RGL1: variants seen among roughly 807,000 people sequenced by gnomAD.
RGL1 encodes ral guanine nucleotide dissociation stimulator-like 1.
In RGL1, 24 loss-of-function variants were observed where a neutral mutation model predicts 95.2. That is an observed-to-expected ratio of 0.25 (90% CI 0.18 to 0.35). RGL1 has a LOEUF of 0.35. Ranked by LOEUF, RGL1 falls within the 10% of genes least tolerant of loss-of-function variation. The pLI is 1.00. For synonymous variants in RGL1, 329 were observed against 344.9 expected (o/e 0.95, Z 0.51); for missense variants, 715 against 936.3 (o/e 0.76, Z 3.08).
chr1:183,779,701 T>A (rs116468076), intron 2 of RGL1, among the ~76,000 whole-genome samples: 1 of 152,146 alleles, frequency 6.6e-6, no homozygotes, highest in Non-Finnish European at 1.5e-5. Context: ...AGCCCCAAAG[T>A]TTGCTCTAGG....
At chr1:183,769,216 A>G (rs1218798928) in intron 2 of RGL1, among the ~76,000 whole-genome samples, 1 of 152,252 alleles carries the variant, frequency 6.6e-6, no homozygotes, top group Non-Finnish European at 1.5e-5. Context: ...ATTTTCACCA[A>G]TACTCAGAAG....
At chr1:183,901,403 C>T (rs1484949454) in intron 11 of RGL1, among the ~76,000 whole-genome samples, 1 of 152,156 alleles carries the variant, frequency 6.6e-6, no homozygotes, top group East Asian at 1.9e-4. Flanking sequence ...AGGAGAATCA[C>T]TTGAGCTCGG....
intron 2 of RGL1, among the ~76,000 whole-genome samples, chr1:183,770,847 G>A (rs535524083): frequency 1.3e-5 from 2 of 152,272 alleles, no homozygotes; most frequent in East Asian, 3.9e-4. Context: ...AAGCCTGGAA[G>A]CTTCAATTCT....
At chr1:183,915,479 C>T (rs2102740819) in intron 15 of RGL1, among the ~76,000 whole-genome samples, 1 of 152,300 alleles carries the variant, frequency 6.6e-6, no homozygotes, top group Admixed American at 6.5e-5. Context: ...AGCATATTAA[C>T]TGTAGTACTC....
chr1:183,647,755 C>T, intron 1 of RGL1: 1 of 1,614,176 alleles, frequency 6.2e-7, no homozygotes, highest in South Asian at 1.1e-5. Context: ...TCCACTATCT[C>T]CACTGACCTT....
chr1:183,846,403 G>A (rs1418979564), intron 2 of RGL1, among the ~76,000 whole-genome samples: 1 of 151,976 alleles, frequency 6.6e-6, no homozygotes, highest in Non-Finnish European at 1.5e-5. Flanking sequence ...GGGGTGGGGT[G>A]ACAGACTAGG....
chr1:183,904,754 C>T (rs1668216354), intron 12 of RGL1, 96 bp from the exon 13 acceptor site: 2 of 1,283,828 alleles, frequency 1.6e-6, no homozygotes, highest in African/African-American at 3.0e-5. Flanking sequence ...ATCTTTTATC[C>T]TAATGTGGTA....
chr1:183,894,907 A>T (rs1263245708), intron 9 of RGL1, among the ~76,000 whole-genome samples: 1 of 152,128 alleles, frequency 6.6e-6, no homozygotes, highest in Non-Finnish European at 1.5e-5. Context: ...CCTCTCAAAG[A>T]CTATCTTAAA....
chr1:183,854,624 A>G (rs955831900), intron 3 of RGL1, among the ~76,000 whole-genome samples: 1 of 152,174 alleles, frequency 6.6e-6, no homozygotes, highest in Non-Finnish European at 1.5e-5. Context: ...TCAGAATTTT[A>G]GGATACATTA....
At chr1:183,714,466 C>T (rs189018306) in intron 1 of RGL1, among the ~76,000 whole-genome samples, 2 of 152,284 alleles carry the variant, frequency 1.3e-5, no homozygotes, top group East Asian at 3.9e-4. Flanking sequence ...AAATGAGACT[C>T]ACACACCAGG....
Position 183,806,368 on chromosome 1 carries a change from C to G in RGL1, c.28-7C>G. The G allele has an allele frequency of 6.2e-7, 1 of 1,608,784 alleles. No homozygotes were observed. The highest frequency in any genetic ancestry group is 8.5e-7 in the Non-Finnish European group (1 of 1,175,412). ...CTTTTTCTTTCTCTTTATCCCGTCC[C>G]TGGCAGAGCTCGATTCAGGACTGGG... On this transcript the variant is annotated splice_region_variant and splice_polypyrimidine_tract_variant and intron_variant, in intron 1 of 17. Transcript: ENST00000360851.
chr1:183,774,720 C>T (rs375839933), intron 2 of RGL1, among the ~76,000 whole-genome samples: 92 of 151,788 alleles, frequency 6.1e-4, no homozygotes, highest in African/African-American at 2.0e-3. Flanking sequence ...GGAGTACAGG[C>T]GCATGCCACC....
intron 2 of RGL1, among the ~76,000 whole-genome samples, chr1:183,823,330 C>G (rs1315767756): frequency 6.6e-6 from 1 of 151,938 alleles, no homozygotes; most frequent in African/African-American, 2.4e-5. Flanking sequence ...CCTGTGCTTG[C>G]AAGTTTCATT....
At position 183,805,956 on chromosome 1, in the gene RGL1, T is replaced by TTTTTC. The variant is rs1298042048; in HGVS notation, c.28-404_28-400dup. Among the ~76,000 whole-genome samples, 200 of 139,838 alleles carry TTTTTC rather than the reference T, an allele frequency of 1.4e-3. 1 individual carries two copies. The highest frequency in any genetic ancestry group is 4.2e-3 in the African/African-American group (159 of 37,852). The allele number at this position is 139,838 out of a possible 152,430, so 91.7% of individuals were successfully genotyped here. ...TTATTCTTTTCTTTTTTTCTTTTTC[T>TTTTTC]TTTTCTTTTCTTTTCTTTTTTTTTT... On this transcript the variant is annotated intron_variant, in intron 1 of 17. Transcript: ENST00000360851.
chr1:183,806,504 A>T lies in RGL1; in HGVS notation c.138+19A>T, dbSNP rs11579867. ...GCTAGGGGTGAGTAAAGCTGGCGAGATGGTGAACTTTGGAATTTCAGTGTC... is the reference window on the plus strand; with the variant it reads ...GCTAGGGGTGAGTAAAGCTGGCGAGTTGGTGAACTTTGGAATTTCAGTGTC... On this transcript the variant is annotated intron_variant, in intron 2 of 17. Coordinates refer to ENST00000360851, the MANE Select transcript of RGL1 (RefSeq NM_001297671.3). 0.29 allele frequency: 446,708 copies of T among 1,544,680 alleles called. 68,837 individuals carry two copies. Among genetic ancestry groups the T allele is most frequent in the Middle Eastern group, 0.36 (2,142 of 5,924 alleles).
intron 2 of RGL1, among the ~76,000 whole-genome samples, chr1:183,818,590 TA>T (rs5779187): frequency 6.6e-6 from 1 of 151,794 alleles, no homozygotes; most frequent in South Asian, 2.1e-4. Context: ...ATCACACTAT[TA>T]AAAAAAATGT....
chr1:183,750,736 G>C (rs549282836), intron 2 of RGL1, among the ~76,000 whole-genome samples: 3 of 152,302 alleles, frequency 2.0e-5, no homozygotes, highest in African/African-American at 7.2e-5. Context: ...CCTTTGGATG[G>C]GGTTTTTGCG....
chr1:183,827,792 T>G (rs886419184), intron 2 of RGL1, among the ~76,000 whole-genome samples: 3 of 152,252 alleles, frequency 2.0e-5, no homozygotes, highest in African/African-American at 7.2e-5. Context: ...ATATAAGTTT[T>G]TAAACTTTAC....
At chr1:183,887,507 TG>T (rs1667187128) in intron 7 of RGL1, among the ~76,000 whole-genome samples, 1 of 152,154 alleles carries the variant, frequency 6.6e-6, no homozygotes, top group Non-Finnish European at 1.5e-5. Flanking sequence ...CGTGCTCACA[TG>T]GTGTACTCAC....
Sources: allele counts gnomAD v4.1 joint callset (sites outside exome capture counted in the v4.1 genomes callset), GRCh38; gene constraint gnomAD v4.1.1; transcripts MANE v1.5; gene names NCBI Gene and HGNC (gene_info 2026-07-23, HGNC 2026-07-21).